Variants in CUL2 observed in about 807,000 individuals in gnomAD.
CUL2 encodes cullin-2.
Under a neutral mutation model 110.2 loss-of-function variants are expected in CUL2, and 22 were observed. That is an observed-to-expected ratio of 0.20 (90% confidence interval 0.14 to 0.28). The LOEUF is 0.28. Ranked by LOEUF, CUL2 falls within the 10% of genes least tolerant of loss-of-function variation. The pLI is 1.00. For synonymous variants in CUL2, 279 were observed against 293.2 expected (o/e 0.95, Z 0.49); for missense variants, 631 against 905.5 (o/e 0.70, Z 3.89).
Position 35,031,754 on chromosome 10 carries a change from C to T in CUL2, c.1171-135G>A, listed in dbSNP as rs1275245036. 8 of 843,712 alleles carry T rather than the reference C, an allele frequency of 9.5e-6. No homozygotes were observed. The highest frequency in any genetic ancestry group is 8.5e-5 in the African/African-American group (5 of 58,752). 52.3% of individuals were successfully genotyped at this position (843,712 alleles called of 1,614,324 possible). A position where few individuals can be genotyped will look rare whatever the true frequency, so the allele number is the denominator to read the frequency against. ...TGTTTTTTTTAGAGACCGGGTCTTG[C>T]TCTGTTGCCAGGCTGGATTGCAGTG... On this transcript the variant is annotated intron_variant, in intron 12 of 20. Transcript: ENST00000374749. This position sits in a 1 kb window ranked among gnomAD's most constrained non-coding sequence, Gnocchi z 4.4.
rs762649687 is a variant in CUL2 at position 35,063,032 on chromosome 10, A to G, written c.150T>C (p.Pro50=). 4 of 1,607,010 alleles carry G rather than the reference A, an allele frequency of 2.5e-6. No individual in the cohort carries two copies. The highest frequency in any genetic ancestry group is 3.4e-6 in the Non-Finnish European group (4 of 1,174,238). The change falls in exon 3 of 21, where the codon CCT becomes CCC. Residue 50 remains proline, a synonymous_variant. Coordinates refer to ENST00000374749, the MANE Select transcript of CUL2 (RefSeq NM_003591.4). ...TATAAAGTCTTTCTCCAAGGGGTTC[A>G]GGATAGGCCACACATAAAGCATAGA... ...SDIYALCVAY[P]EPLGERLYTE...
intron 4 of CUL2, among the ~76,000 whole-genome samples, chr10:35,056,352 T>C (rs2086240301): frequency 6.6e-6 from 1 of 152,134 alleles, no homozygotes. Context: ...ATAAAAGTAA[T>C]CACTAACATT....
At chr10:35,103,320 T>A (rs1024737538) in intron 1 of CUL2, among the ~76,000 whole-genome samples, 2 of 114,438 alleles carry the variant, frequency 1.7e-5, no homozygotes, top group African/African-American at 7.4e-5. Flanking sequence ...TTTTTTTTTT[T>A]TTTTTTTTTT....
chr10:35,108,674 G>C (rs1303047280), intron 1 of CUL2, among the ~76,000 whole-genome samples: 1 of 152,124 alleles, frequency 6.6e-6, no homozygotes, highest in Non-Finnish European at 1.5e-5. Flanking sequence ...TGGCTTAGCT[G>C]AATAGTTCTT....
At chr10:35,029,172 C>T (rs2085413489) in intron 15 of CUL2, among the ~76,000 whole-genome samples, 1 of 152,122 alleles carries the variant, frequency 6.6e-6, no homozygotes, top group Admixed American at 6.6e-5. Flanking sequence ...ATTCTCCTGC[C>T]TCTGCCTCCC....
At chr10:35,033,348 T>G (rs2085526205) in intron 10 of CUL2, 75 bp from the exon 11 acceptor site, 12 of 988,786 alleles carry the variant, frequency 1.2e-5, no homozygotes, top group Non-Finnish European at 1.7e-5. Flanking sequence ...TTTATTAGAC[T>G]TATTAGTAAA....
chr10:35,085,338 G>A (rs991284200), intron 1 of CUL2, among the ~76,000 whole-genome samples: 1 of 149,824 alleles, frequency 6.7e-6, no homozygotes, highest in African/African-American at 2.5e-5. Flanking sequence ...ACTGAGGCAG[G>A]AGAATGGCGT....
chr10:35,101,318 T>TGGC (rs1430110829), intron 1 of CUL2, among the ~76,000 whole-genome samples: 12 of 152,192 alleles, frequency 7.9e-5, no homozygotes, highest in African/African-American at 2.7e-4. Flanking sequence ...ACAGAACCAG[T>TGGC]TGCTTTCAGC....
At chr10:35,017,684 A>G (rs2085070463) in intron 17 of CUL2, among the ~76,000 whole-genome samples, 1 of 138,462 alleles carries the variant, frequency 7.2e-6, no homozygotes, top group Non-Finnish European at 1.6e-5. Flanking sequence ...CAGAATGAGT[A>G]TCTGTCTCAA....
chr10:35,040,744 G>A (rs1221536828), intron 8 of CUL2, among the ~76,000 whole-genome samples: 1 of 152,182 alleles, frequency 6.6e-6, no homozygotes, highest in African/African-American at 2.4e-5. Flanking sequence ...GGCGGCATTG[G>A]TGGGGGCAGG....
Position 35,008,859 on chromosome 10 carries a change from G to C in CUL2, c.*1452C>G, listed in dbSNP as rs1284838309. The C allele has an allele frequency of 1.3e-5, 2 of 152,026 alleles. No homozygotes were observed. The highest frequency in any genetic ancestry group is 2.9e-5 in the Non-Finnish European group (2 of 67,996). The allele number at this position is 152,026 out of a possible 1,614,324, so 9.4% of individuals were successfully genotyped here. A position where few individuals can be genotyped will look rare whatever the true frequency, so the allele number is the denominator to read the frequency against. On this transcript the variant is annotated 3_prime_UTR_variant, in exon 21 of 21. Transcript: ENST00000374749. ...TGTTAGGAGTAATAATATCACTGTG[G>C]ATTTTTTAAAGGCCTTACTGAAGTA...
intron 2 of CUL2, among the ~76,000 whole-genome samples, chr10:35,066,261 T>TA (rs1234235429): frequency 1.3e-5 from 2 of 148,952 alleles, no homozygotes; most frequent in East Asian, 3.9e-4. Context: ...ATTTGACAAT[T>TA]AAAAAAAATA....
At chr10:35,059,849 T>C (rs1281921444) in intron 4 of CUL2, among the ~76,000 whole-genome samples, 1 of 152,248 alleles carries the variant, frequency 6.6e-6, no homozygotes, top group African/African-American at 2.4e-5. Context: ...CATTGCTTTC[T>C]TCCTCTGTAA....
chr10:35,122,620 T>C (rs548720695), intron 1 of CUL2, among the ~76,000 whole-genome samples: 2 of 152,136 alleles, frequency 1.3e-5, no homozygotes, highest in South Asian at 4.1e-4. Flanking sequence ...AGTAATAATA[T>C]CCTTATTTTA....
chr10:35,057,820 G>A (rs11010081), intron 4 of CUL2, among the ~76,000 whole-genome samples: 15 of 151,216 alleles, frequency 9.9e-5, no homozygotes, highest in Admixed American at 2.0e-4. Flanking sequence ...TGGGCTGGAC[G>A]CAGTGGCTCA....
intron 1 of CUL2, among the ~76,000 whole-genome samples, chr10:35,106,964 G>GT (rs1490232295): frequency 6.6e-6 from 1 of 150,912 alleles, no homozygotes; most frequent in Non-Finnish European, 1.5e-5. Flanking sequence ...TTTTTTTGTT[G>GT]TTTTTTTGTT....
chr10:35,044,567 T>C lies in CUL2; in HGVS notation c.713A>G (p.Lys238Arg), dbSNP rs1291322570. Residue 238 changes from lysine to arginine, a missense_variant and splice_region_variant, in exon 8 of 21, where the codon AAG (lysine) becomes AGG (arginine). Around this residue, in one of 3 missense-constraint regions of CUL2, gnomAD observed 338 missense variants for 442.5 expected, o/e 0.76. Transcript: ENST00000374749. ...TATTCGATATGTTTTATTTCTTACC[T>C]TTTCCATATACTGTGAGCAGTTTGA... is the stretch of plus-strand genomic sequence containing the variant. ...QESNCSQYMEKVLGRLKDEEI... is the reference protein window; with the variant it reads ...QESNCSQYMERVLGRLKDEEI... 2 of 1,566,522 alleles carry C rather than the reference T, an allele frequency of 1.3e-6. No homozygotes were observed. The highest frequency in any genetic ancestry group is 3.5e-5 in the Admixed American group (2 of 56,650).
At chr10:35,058,265 G>C (rs2086292358) in intron 4 of CUL2, among the ~76,000 whole-genome samples, 1 of 152,154 alleles carries the variant, frequency 6.6e-6, no homozygotes, top group African/African-American at 2.4e-5. Context: ...TGGAGGCTGA[G>C]TCATGCTAAA....
chr10:35,047,882 T>TA (rs2085988308), intron 6 of CUL2, among the ~76,000 whole-genome samples: 1 of 151,550 alleles, frequency 6.6e-6, no homozygotes, highest in Non-Finnish European at 1.5e-5. Context: ...TCCAGCCTAG[T>TA]AGACAGAGTG....
Sources: allele counts gnomAD v4.1 joint callset (sites outside exome capture counted in the v4.1 genomes callset), GRCh38; gene constraint gnomAD v4.1.1; regional missense constraint gnomAD v4.1.1; non-coding constraint Gnocchi (gnomAD v3.1); transcripts MANE v1.5; gene names NCBI Gene and HGNC (gene_info 2026-07-23, HGNC 2026-07-21).